The following MBD3L1 variants were observed in gnomAD, a reference collection of about 807,000 sequenced individuals.
The protein encoded by MBD3L1 is methyl-CpG-binding domain protein 3-like 1.
For missense variants in MBD3L1, 203 were observed against 230.1 expected, an observed-to-expected ratio of 0.88 and a Z score of 0.76; for synonymous variants, 84 against 85.1, an observed-to-expected ratio of 0.99 and a Z score of 0.07.
chr19:8,838,403 A>C, intron 1 of MBD3L1, among the ~76,000 whole-genome samples: 1 of 152,028 alleles, frequency 6.6e-6, no homozygotes, highest in East Asian at 1.9e-4. Context: ...CAAACTGCAT[A>C]TTGCCTAACC....
intron 1 of MBD3L1, among the ~76,000 whole-genome samples, chr19:8,838,092 C>T (rs2044472550): frequency 6.6e-6 from 1 of 150,830 alleles, no homozygotes; most frequent in Non-Finnish European, 1.5e-5. Flanking sequence ...ACTAAAAATA[C>T]AAAAAATAAG....
intron 1 of MBD3L1, chr19:8,833,534 C>T (rs1172457052): frequency 6.6e-6 from 1 of 152,128 alleles, no homozygotes; most frequent in Non-Finnish European, 1.5e-5. Context: ...CTATTACCTC[C>T]CCCCCAACAA....
At chr19:8,835,693 A>G (rs1027903953) in intron 1 of MBD3L1, among the ~76,000 whole-genome samples, 5 of 89,400 alleles carry the variant, frequency 5.6e-5, no homozygotes, top group Non-Finnish European at 1.4e-4. Flanking sequence ...AAGAGAAATG[A>G]AAACATGTGT....
intron 1 of MBD3L1, among the ~76,000 whole-genome samples, chr19:8,834,781 A>G (rs1191627608): frequency 6.6e-6 from 1 of 152,186 alleles, no homozygotes; most frequent in Non-Finnish European, 1.5e-5. Context: ...CTTGGAAGAA[A>G]ACATAGGTGT....
intron 1 of MBD3L1, among the ~76,000 whole-genome samples, chr19:8,840,352 A>T (rs957528198): frequency 1.3e-5 from 2 of 152,216 alleles, no homozygotes; most frequent in African/African-American, 4.8e-5. Context: ...CCAAGGCTAG[A>T]GTACAGTGGC....
intron 2 of MBD3L1, among the ~76,000 whole-genome samples, chr19:8,841,579 G>A (rs2044513090): frequency 6.6e-6 from 1 of 151,964 alleles, no homozygotes; most frequent in South Asian, 2.1e-4. Context: ...TTTGTTTTGA[G>A]ACAGTCTCGC....
intron 1 of MBD3L1, chr19:8,833,015 G>C (rs2145332138): frequency 6.5e-6 from 1 of 153,348 alleles, no homozygotes; most frequent in East Asian, 1.9e-4. Context: ...GCGGAGACCA[G>C]TTCTGGGGGC....
At chr19:8,835,005 C>T (rs567184525) in intron 1 of MBD3L1, among the ~76,000 whole-genome samples, 2 of 151,294 alleles carry the variant, frequency 1.3e-5, no homozygotes, top group East Asian at 1.9e-4. Context: ...TAAAGGCTTG[C>T]GACTCAGCAA....
chr19:8,840,192 A>C (rs113039491), intron 1 of MBD3L1, among the ~76,000 whole-genome samples: 136 of 152,154 alleles, frequency 8.9e-4, no homozygotes, highest in African/African-American at 3.1e-3. Context: ...TCAAAAAAAA[A>C]AAAAAAACAA....
At chr19:8,839,189 T>TCTTTTC (rs139541686) in intron 1 of MBD3L1, among the ~76,000 whole-genome samples, 2 of 138,672 alleles carry the variant, frequency 1.4e-5, no homozygotes, top group Admixed American at 7.4e-5. Context: ...TCTTTTCTTT[T>TCTTTTC]TTTTTTTTTT....
intron 1 of MBD3L1, among the ~76,000 whole-genome samples, chr19:8,840,548 T>C (rs1388165981): frequency 6.6e-6 from 1 of 152,064 alleles, no homozygotes; most frequent in East Asian, 1.9e-4. Flanking sequence ...CAAGTGGCCC[T>C]CCCGCCTCAG....
chr19:8,834,219 G>A (rs2044427735), intron 1 of MBD3L1, among the ~76,000 whole-genome samples: 1 of 152,162 alleles, frequency 6.6e-6, no homozygotes, highest in Admixed American at 6.5e-5. Flanking sequence ...AAGCAAAAAT[G>A]AACAAGTTCA....
In MBD3L1 at chr19:8,834,709, T is replaced by C. The variant is rs546673488; in HGVS notation, c.-107+2187T>C. On this transcript the variant is annotated intron_variant, in intron 1 of 2. Transcript: ENST00000595891. ...GAAATTGGACCTCTACTTCACACCA[T>C]GTACAAAAGTGAGCTCAAAATAGAT... Among the ~76,000 whole-genome samples, 12 of 147,522 alleles carry C rather than the reference T, an allele frequency of 8.1e-5. No individual in the cohort carries two copies. The South Asian group carries it at 1.1e-3, about 13-fold the overall frequency.
At chr19:8,832,560 C>G (rs1206091025) in intron 1 of MBD3L1, 38 bp downstream of exon 1, 1 of 152,220 alleles carries the variant, frequency 6.6e-6, no homozygotes, top group South Asian at 2.0e-4. Flanking sequence ...GGCTGTGAGC[C>G]GCACGAGGCC....
chr19:8,838,252 C>CAAAAAAAAAAA (rs542318207), intron 1 of MBD3L1, among the ~76,000 whole-genome samples: 307 of 11,828 alleles, frequency 0.026, 114 homozygotes, highest in Middle Eastern at 0.25. Flanking sequence ...GACTCCATCT[C>CAAAAAAAAAAA]AAAAAAAAAA....
chr19:8,835,842 C>T (rs1456880036), intron 1 of MBD3L1, among the ~76,000 whole-genome samples: 1 of 152,042 alleles, frequency 6.6e-6, no homozygotes, highest in Non-Finnish European at 1.5e-5. Flanking sequence ...ATTATTCATC[C>T]ATTAAACAGA....
chr19:8,838,252 C>CAAAAAAAAAAAA (rs542318207), intron 1 of MBD3L1, among the ~76,000 whole-genome samples: 188 of 11,824 alleles, frequency 0.016, 73 homozygotes, highest in Non-Finnish European at 0.023. Context: ...GACTCCATCT[C>CAAAAAAAAAAAA]AAAAAAAAAA....
Position 8,833,697 on chromosome 19 carries a change from A to T in MBD3L1, c.-107+1175A>T, listed in dbSNP as rs77310655. On this transcript the variant is annotated intron_variant, in intron 1 of 2. Transcript: ENST00000595891. ...ATGGTGGGTTGGTGCGTTAGATACC[A>T]CTAAGTGCTGGTTGGACCTGGTGGC... Among the ~76,000 whole-genome samples, 19 of 152,292 alleles carry T rather than the reference A, an allele frequency of 1.2e-4. No homozygotes were observed. In the East Asian group the frequency reaches 3.5e-3, roughly 28 times the overall value.
At position 8,842,906 on chromosome 19, in the gene MBD3L1, T is replaced by C. The variant is rs745963858; in HGVS notation, c.228T>C (p.Ala76=). 2 of 1,614,208 alleles carry C rather than the reference T, an allele frequency of 1.2e-6. No individual in the cohort carries two copies. Among genetic ancestry groups the C allele is most frequent in the Admixed American group, 3.3e-5 (2 of 60,018 alleles). The change falls in exon 3 of 3, where the codon GCT becomes GCC. Residue 76 remains alanine (A), a synonymous_variant. Transcript: ENST00000595891. Reference sequence around the variant, plus strand: ...AGAGGAGACTGCAGGGACTCCAGGCTTACAGCAGTGCAGGAGAACTTTCAA... The same window carrying C: ...AGAGGAGACTGCAGGGACTCCAGGCCTACAGCAGTGCAGGAGAACTTTCAA... The part of the protein sequence containing the change: ...CWQRRLQGLQ[A]YSSAGELSST...
Sources: allele counts gnomAD v4.1 joint callset (sites outside exome capture counted in the v4.1 genomes callset), GRCh38; gene constraint gnomAD v4.1.1; transcripts MANE v1.5; gene names NCBI Gene and HGNC (gene_info 2026-07-23, HGNC 2026-07-21).